Variants in MGAT4C observed in about 807,000 individuals in gnomAD.
MGAT4C encodes alpha-1,3-mannosyl-glycoprotein 4-beta-N-acetylglucosaminyltransferase C.
In MGAT4C, 19 loss-of-function variants were observed where a neutral mutation model predicts 40.1. That is an observed-to-expected ratio of 0.47 (90% CI 0.33 to 0.70). The LOEUF (loss-of-function observed/expected upper bound fraction) is 0.70. MGAT4C is among the 30% of genes least tolerant of loss of function. The pLI, the probability that MGAT4C is intolerant of heterozygous loss-of-function variation, is 0.02. For synonymous variants in MGAT4C, 181 were observed against 187.1 expected, an observed-to-expected ratio of 0.97 and a Z score of 0.27; for missense variants, 491 against 563.2, an observed-to-expected ratio of 0.87 and a Z score of 1.30.
At chr12:86,002,950 G>A (rs756360283) in intron 2 of MGAT4C, among the ~76,000 whole-genome samples, 10 of 151,840 alleles carry the variant, frequency 6.6e-5, no homozygotes, top group Admixed American at 4.6e-4. Context: ...ACAGGCGTCC[G>A]CAATCATGCC....
chr12:86,453,258 AC>A (rs1957457156), intron 2 of MGAT4C, among the ~76,000 whole-genome samples: 1 of 152,132 alleles, frequency 6.6e-6, no homozygotes, highest in Non-Finnish European at 1.5e-5. Context: ...ATAAATAATA[AC>A]TACCATTACA....
At position 86,241,648 on chromosome 12, in the gene MGAT4C, T is replaced by C. The variant is rs142701424; in HGVS notation, c.-57+14591A>G. ...GTGGTCTCGCCTAAGAGGAAAAAGA[T>C]CGCTTAGATCAGTAGAGAGTGTATT... On this transcript the variant is annotated intron_variant, in intron 1 of 4. Transcript: ENST00000611864. Among the ~76,000 whole-genome samples the C allele has an allele frequency of 3.0e-3, 452 of 152,254 alleles. 2 individuals are homozygous for C. The highest frequency in any genetic ancestry group is 0.01 in the African/African-American group (430 of 41,534).
chr12:86,593,855 G>A (rs1212872751), intron 2 of MGAT4C, among the ~76,000 whole-genome samples: 3 of 151,636 alleles, frequency 2.0e-5, no homozygotes, highest in Admixed American at 6.6e-5. Flanking sequence ...TCTGTTCTAC[G>A]TCATGCTTCT....
chr12:86,187,341 G>A (rs1287243443), intron 1 of MGAT4C, among the ~76,000 whole-genome samples: 6 of 151,932 alleles, frequency 3.9e-5, no homozygotes, highest in East Asian at 3.9e-4. Context: ...AATATATAAC[G>A]TAAAATTCAG....
Position 85,972,736 on chromosome 12 carries a change from T to C in MGAT4C, c.*6553A>G, listed in dbSNP as rs1883687645. 1 of 150,992 alleles carries C rather than the reference T, an allele frequency of 6.6e-6. No homozygotes were observed. The highest frequency in any genetic ancestry group is 1.5e-5 in the Non-Finnish European group (1 of 67,172). The allele number at this position is 150,992 out of a possible 1,614,324, so 9.4% of individuals were successfully genotyped here. ...TAAAGGATCTGAGATAATTGGACAATTATGATAAAGGATCTGAGATAATTA... is the reference window on the plus strand; with the variant it reads ...TAAAGGATCTGAGATAATTGGACAACTATGATAAAGGATCTGAGATAATTA... On this transcript the variant is annotated 3_prime_UTR_variant, in exon 5 of 5. Coordinates refer to ENST00000611864, the MANE Select transcript of MGAT4C (RefSeq NM_001351288.2).
At chr12:86,074,655 G>A (rs1024680999) in intron 1 of MGAT4C, among the ~76,000 whole-genome samples, 1 of 152,074 alleles carries the variant, frequency 6.6e-6, no homozygotes, top group African/African-American at 2.4e-5. Context: ...ACCCAAGACT[G>A]GGTAATTTAT....
intron 2 of MGAT4C, among the ~76,000 whole-genome samples, chr12:86,621,702 T>C (rs1260014109): frequency 1.3e-5 from 2 of 152,144 alleles, no homozygotes; most frequent in East Asian, 3.9e-4. Context: ...GCTCTTGAAC[T>C]CCTGGGCTCA....
At chr12:86,263,634 C>G (rs1459434423) in intron 4 of MGAT4C, among the ~76,000 whole-genome samples, 1 of 152,082 alleles carries the variant, frequency 6.6e-6, no homozygotes, top group Non-Finnish European at 1.5e-5. Context: ...TGCGATGAGC[C>G]TATCAGTGCA....
chr12:86,121,586 A>G (rs951578023), intron 1 of MGAT4C, among the ~76,000 whole-genome samples: 3 of 152,216 alleles, frequency 2.0e-5, no homozygotes, highest in Admixed American at 6.5e-5. Flanking sequence ...AGTGGGGGCC[A>G]ATATTCAACA....
intron 1 of MGAT4C, among the ~76,000 whole-genome samples, chr12:86,118,522 G>A (rs1878810686): frequency 6.6e-6 from 1 of 152,150 alleles, no homozygotes; most frequent in Non-Finnish European, 1.5e-5. Context: ...ATGGGGCCAT[G>A]AAAAGATTAG....
At chr12:86,707,507 T>C (rs1950480216) in intron 2 of MGAT4C, among the ~76,000 whole-genome samples, 1 of 151,450 alleles carries the variant, frequency 6.6e-6, no homozygotes, top group Non-Finnish European at 1.5e-5. Flanking sequence ...TTAGGGTATC[T>C]GGCGGAGGAA....
chr12:86,633,478 G>A (rs1593065027), intron 2 of MGAT4C, among the ~76,000 whole-genome samples: 2 of 151,988 alleles, frequency 1.3e-5, no homozygotes, highest in South Asian at 2.1e-4. Flanking sequence ...GCCATAGTAA[G>A]AGACTGTGAC....
At chr12:86,680,679 T>C (rs1949966007) in intron 2 of MGAT4C, among the ~76,000 whole-genome samples, 1 of 152,074 alleles carries the variant, frequency 6.6e-6, no homozygotes, top group African/African-American at 2.4e-5. Flanking sequence ...TTAACCTATC[T>C]AATTTTTCCG....
intron 1 of MGAT4C, among the ~76,000 whole-genome samples, chr12:86,110,523 T>C (rs1877192268): frequency 6.6e-6 from 1 of 150,534 alleles, no homozygotes; most frequent in Non-Finnish European, 1.5e-5. Flanking sequence ...TCTAAACGCA[T>C]ATTAAGTAAT....
chr12:86,702,626 T>C (rs1239755069), intron 2 of MGAT4C, among the ~76,000 whole-genome samples: 1 of 152,158 alleles, frequency 6.6e-6, no homozygotes, highest in Non-Finnish European at 1.5e-5. Flanking sequence ...CTGTTTACAG[T>C]GTGGTTTATT....
intron 1 of MGAT4C, among the ~76,000 whole-genome samples, chr12:86,187,578 T>C (rs1245626808): frequency 6.7e-6 from 1 of 148,276 alleles, no homozygotes; most frequent in African/African-American, 2.4e-5. Context: ...TCCTTTTAGA[T>C]TTGCCTTTTC....
intron 1 of MGAT4C, among the ~76,000 whole-genome samples, chr12:86,763,985 A>C (rs1031808257): frequency 4.6e-5 from 7 of 152,126 alleles, no homozygotes; most frequent in Non-Finnish European, 1.0e-4. Flanking sequence ...CCGGGTTCAT[A>C]TCACTAGGGA....
rs76703563 is a variant in MGAT4C at position 86,384,932 on chromosome 12, A to C, written c.-120+50225T>G. Among the ~76,000 whole-genome samples, 523 of 152,286 alleles carry C rather than the reference A, an allele frequency of 3.4e-3. 2 individuals carry two copies. The highest frequency in any genetic ancestry group is 0.012 in the African/African-American group (507 of 41,552). On this transcript the variant is annotated intron_variant, in intron 3 of 7. Transcript: ENST00000548651. ...TTTACTTAGGTAGCTGTTCTCTTTC[A>C]GATGGTTAATTTCTACTAATTTCTG...
chr12:86,159,042 T>C (rs1419413039), intron 1 of MGAT4C, among the ~76,000 whole-genome samples: 2 of 152,184 alleles, frequency 1.3e-5, no homozygotes. Context: ...CTTGCCTGAC[T>C]GCTCTGGCTA....
Sources: gnomAD v4.1 joint callset for allele counts (sites outside exome capture counted in the v4.1 genomes callset) on GRCh38, gnomAD v4.1.1 for gene constraint, MANE v1.5 for transcripts, NCBI Gene and HGNC (gene_info 2026-07-23, HGNC 2026-07-21) for gene names.